Variants in MYZAP observed in about 807,000 individuals in gnomAD.
MYZAP encodes the protein GRINL1A complex locus upstream.
A neutral mutation model predicts 69.4 loss-of-function variants in MYZAP; 66 were observed. That is an observed-to-expected ratio of 0.95 (90% confidence interval 0.78 to 1.17). The LOEUF (loss-of-function observed/expected upper bound fraction) is 1.17. Ranked by LOEUF, MYZAP falls within the 50% of genes most tolerant of loss-of-function variation. The probability of loss-of-function intolerance (pLI) is 0.00; values close to 1 mark genes in which losing one functional copy is unlikely to be tolerated. For synonymous variants in MYZAP, 256 were observed against 205.9 expected, an observed-to-expected ratio of 1.24 and a Z score of -2.09; for missense variants, 611 against 556.2, an observed-to-expected ratio of 1.10 and a Z score of -0.99.
Position 57,675,087 on chromosome 15 carries a change from A to ATT in MYZAP, c.1304+29_1304+30dup. On this transcript the variant is annotated intron_variant, in intron 12 of 12. Transcript: ENST00000267853. ...TACCCAGGTATTTAGGAATTTCCTG[A>ATT]TTTTTTTTTTTATTCAAATTCCTCT... 1.5e-6 allele frequency: 2 copies of ATT among 1,369,196 alleles called. No individual in the cohort carries two copies. The highest frequency in any genetic ancestry group is 1.4e-5 in the African/African-American group (1 of 69,316). The allele number at this position is 1,369,196 out of a possible 1,614,324, so 84.8% of individuals were successfully genotyped here.
intron 8 of MYZAP, among the ~76,000 whole-genome samples, chr15:57,634,160 C>G (rs1356666984): frequency 6.6e-6 from 1 of 152,018 alleles, no homozygotes; most frequent in Non-Finnish European, 1.5e-5. Flanking sequence ...GGCCCCATTT[C>G]TCTAGGTGTT....
At chr15:57,665,010 G>A (rs2038496177) in intron 11 of MYZAP, among the ~76,000 whole-genome samples, 1 of 152,174 alleles carries the variant, frequency 6.6e-6, no homozygotes, top group African/African-American at 2.4e-5. Context: ...TTAATTGCCT[G>A]CGTCCCAGGG....
chr15:57,626,198 A>G (rs1395800130), intron 5 of MYZAP, among the ~76,000 whole-genome samples: 2 of 152,106 alleles, frequency 1.3e-5, no homozygotes, highest in Non-Finnish European at 2.9e-5. Flanking sequence ...CTAACCCCAC[A>G]CGTCAGCCCT....
At chr15:57,681,031 A>G (rs2039408054) in intron 12 of MYZAP, among the ~76,000 whole-genome samples, 1 of 152,250 alleles carries the variant, frequency 6.6e-6, no homozygotes, top group Non-Finnish European at 1.5e-5. Context: ...AGTGATCAAC[A>G]AAATAAAATA....
intron 6 of MYZAP, among the ~76,000 whole-genome samples, chr15:57,631,259 G>C (rs17820551): frequency 0.14 from 21,128 of 152,072 alleles, 1,933 homozygotes; most frequent in Non-Finnish European, 0.19. Flanking sequence ...TGTGTGTCCT[G>C]TTCAGTCCTG....
At chr15:57,606,296 A>G (rs778827624) in intron 2 of MYZAP, among the ~76,000 whole-genome samples, 51 of 152,214 alleles carry the variant, frequency 3.4e-4, no homozygotes, top group Non-Finnish European at 1.2e-4. Flanking sequence ...AGAGGTGCAC[A>G]TCACATATGT....
Position 57,684,469 on chromosome 15 carries a change from G to C in MYZAP, c.1372G>C (p.Glu458Gln). The C allele has an allele frequency of 1.9e-6, 3 of 1,612,924 alleles. No homozygotes were observed. The highest frequency in any genetic ancestry group is 2.5e-6 in the Non-Finnish European group (3 of 1,179,462). ...CTACACCCCATACACAAGAGTCCTG[G>C]AGTTAACCATGAAGAAAACTCTGAC... The part of the protein sequence containing the change: ...RNYTPYTRVL[E>Q]LTMKKTLT Residue 458 changes from glutamate (E) to glutamine (Q), a missense_variant, in exon 13 of 13, where the codon GAG becomes CAG. Physicochemically the swap from Glu to Gln is conservative, Grantham distance 29. Transcript: ENST00000267853.
At chr15:57,602,425 C>T (rs2034473987) in intron 1 of MYZAP, among the ~76,000 whole-genome samples, 1 of 152,112 alleles carries the variant, frequency 6.6e-6, no homozygotes, top group Non-Finnish European at 1.5e-5. Flanking sequence ...GTATGTGTGT[C>T]TCTCCCCAAA....
At chr15:57,669,972 A>G (rs1465854912) in intron 11 of MYZAP, among the ~76,000 whole-genome samples, 3 of 152,290 alleles carry the variant, frequency 2.0e-5, no homozygotes, top group African/African-American at 7.2e-5. Flanking sequence ...CTAATTTAAT[A>G]CTTTTATAGT....
rs199705290 is a variant in MYZAP at position 57,593,188 on chromosome 15, G to GCACACACACACA, written c.75+1095_75+1106dup. 1.2e-3 allele frequency among the ~76,000 whole-genome samples: 141 copies of GCACACACACACA among 114,200 alleles called. 2 individuals are homozygous for GCACACACACACA. The highest frequency in any genetic ancestry group is 4.6e-3 in the African/African-American group (136 of 29,732). The allele number at this position is 114,200 out of a possible 152,430, so 74.9% of individuals were successfully genotyped here. A position where few individuals can be genotyped will look rare whatever the true frequency, so the allele number is the denominator to read the frequency against. On this transcript the variant is annotated intron_variant, in intron 1 of 12. Transcript: ENST00000267853. ...AGACACTTAGGTTGTGTACACAGGCGCACACACACACACACACACACACAC... is the reference window on the plus strand; with the variant it reads ...AGACACTTAGGTTGTGTACACAGGCGCACACACACACACACACACACACACACACACACACAC...
intron 10 of MYZAP, among the ~76,000 whole-genome samples, chr15:57,645,231 A>G (rs1334746764): frequency 6.6e-6 from 1 of 152,182 alleles, no homozygotes; most frequent in Non-Finnish European, 1.5e-5. Flanking sequence ...GATTTTTTTT[A>G]AAGAGTGATG....
rs746067672 is a variant in MYZAP at position 57,632,490 on chromosome 15, G to A, written c.735G>A (p.Leu245=). ...AEVMREMTKK[L]YSQYEEKLQE... ...TGATGCGAGAGATGACCAAGAAGCTGTACAGCCAGTATGAGGAGAAGCTGC... is the reference window on the plus strand; with the variant it reads ...TGATGCGAGAGATGACCAAGAAGCTATACAGCCAGTATGAGGAGAAGCTGC... Residue 245 remains leucine, a synonymous_variant, in exon 7 of 13, where the codon CTG becomes CTA. Coordinates refer to ENST00000267853, the MANE Select transcript of MYZAP (RefSeq NM_001018100.5). 5 of 1,614,086 alleles carry A rather than the reference G, an allele frequency of 3.1e-6. No individual in the cohort carries two copies. The highest frequency in any genetic ancestry group is 1.1e-5 in the South Asian group (1 of 91,088).
intron 6 of MYZAP, 63 bp from the exon 7 acceptor site, chr15:57,632,371 T>C (rs1818931755): frequency 3.7e-6 from 6 of 1,606,940 alleles, no homozygotes; most frequent in Admixed American, 1.7e-5. Flanking sequence ...AAATGTGCAG[T>C]GGAAGCTGCC....
chr15:57,647,898 C>T (rs1410368020), intron 10 of MYZAP: 2 of 985,268 alleles, frequency 2.0e-6, no homozygotes, highest in South Asian at 4.7e-5. Flanking sequence ...TTGACTTATA[C>T]TGCTTGTGAA....
intron 12 of MYZAP, among the ~76,000 whole-genome samples, chr15:57,681,029 A>G (rs2039407702): frequency 6.6e-6 from 1 of 152,226 alleles, no homozygotes; most frequent in African/African-American, 2.4e-5. Flanking sequence ...CTAGTGATCA[A>G]CAAAATAAAA....
At chr15:57,598,179 G>A (rs1460390101) in intron 1 of MYZAP, among the ~76,000 whole-genome samples, 3 of 152,120 alleles carry the variant, frequency 2.0e-5, no homozygotes, top group African/African-American at 4.8e-5. Flanking sequence ...AGAGTACCCC[G>A]TAGGTGAGAC....
Position 57,674,988 on chromosome 15 carries a change from G to A in MYZAP, c.1224G>A (p.Arg408=), listed in dbSNP as rs773804318. ...TCCAGAATAATGAACTACAAAGCAG[G>A]TTGGACTATTTAACAGAAACCCAGG... The part of the protein sequence containing the change: ...LEGENNELQS[R]LDYLTETQAK... Residue 408 remains arginine, a synonymous_variant, in exon 12 of 13, where the codon AGG becomes AGA. Transcript: ENST00000267853. 1.9e-6 allele frequency: 3 copies of A among 1,613,566 alleles called. No individual in the cohort carries two copies. Among genetic ancestry groups the A allele is most frequent in the African/African-American group, 1.3e-5 (1 of 75,032 alleles).
In MYZAP at chr15:57,646,109, C is replaced by G. The variant is rs1196527139; in HGVS notation, c.1119+6564C>G. On this transcript the variant is annotated intron_variant, in intron 10 of 12. Coordinates refer to ENST00000267853, the MANE Select transcript of MYZAP (RefSeq NM_001018100.5). The stretch of plus-strand genomic sequence containing the variant: ...GAGCCATAGCACCAAGCCCACAAAC[C>G]TAATCCACTCAATTGAACTGTCTCC... The G allele has an allele frequency of 1.3e-5, 17 of 1,280,780 alleles. No individual in the cohort carries two copies. The East Asian group carries it at 8.9e-4, about 67-fold the overall frequency. 79.3% of individuals were successfully genotyped at this position (1,280,780 alleles called of 1,614,324 possible). A position where few individuals can be genotyped will look rare whatever the true frequency, so the allele number is the denominator to read the frequency against.
At chr15:57,625,734 C>CGT in intron 4 of MYZAP, 45 bp from the exon 5 acceptor site, 1 of 1,570,382 alleles carries the variant, frequency 6.4e-7, no homozygotes, top group Non-Finnish European at 8.8e-7. Flanking sequence ...TTGTCGTGAA[C>CGT]GTGTAGGGAT....
Sources: gnomAD v4.1 joint callset for allele counts (sites outside exome capture counted in the v4.1 genomes callset) on GRCh38, gnomAD v4.1.1 for gene constraint, MANE v1.5 for transcripts, NCBI Gene and HGNC (gene_info 2026-07-23, HGNC 2026-07-21) for gene names.